The following PTPRR variants were observed in gnomAD, a reference collection of about 807,000 sequenced individuals.
The protein encoded by PTPRR is receptor-type tyrosine-protein phosphatase R.
A neutral mutation model predicts 77.2 loss-of-function variants in PTPRR; 38 were observed. The observed-to-expected ratio is 0.49, with a 90% CI of 0.38 to 0.65. PTPRR has a LOEUF of 0.65. PTPRR is among the 30% of genes least tolerant of loss of function. The pLI is 0.00. For missense variants in PTPRR, 744 were observed against 799.2 expected (o/e 0.93, Z 0.83); for synonymous variants, 299 against 283.1 (o/e 1.06, Z -0.57).
At chr12:70,733,464 T>TA (rs1889748039) in intron 6 of PTPRR, among the ~76,000 whole-genome samples, 1 of 72,604 alleles carries the variant, frequency 1.4e-5, no homozygotes, top group Non-Finnish European at 2.6e-5. Flanking sequence ...AAAAGAAAAA[T>TA]TATGGCAAAA....
At chr12:70,736,062 A>T (rs1377771386) in intron 6 of PTPRR, among the ~76,000 whole-genome samples, 1 of 152,124 alleles carries the variant, frequency 6.6e-6, no homozygotes, top group Non-Finnish European at 1.5e-5. Flanking sequence ...GAGTATTCTG[A>T]ATTATTGCCT....
At chr12:70,742,913 G>C (rs1890097918) in intron 6 of PTPRR, among the ~76,000 whole-genome samples, 1 of 152,208 alleles carries the variant, frequency 6.6e-6, no homozygotes, top group Non-Finnish European at 1.5e-5. Context: ...GAAAGGATTT[G>C]ATGAGGAAGG....
intron 6 of PTPRR, among the ~76,000 whole-genome samples, chr12:70,708,766 G>T (rs931725643): frequency 7.3e-5 from 11 of 151,362 alleles, no homozygotes; most frequent in Admixed American, 6.6e-4. Flanking sequence ...CTTGTGAAAT[G>T]AGAAGTCTTC....
chr12:70,673,282 T>A (rs780945694), intron 10 of PTPRR, among the ~76,000 whole-genome samples: 19 of 152,154 alleles, frequency 1.2e-4, no homozygotes, highest in Non-Finnish European at 1.9e-4. Context: ...AAACCCTGAT[T>A]CAAGAATGAG....
At chr12:70,694,007 T>C (rs991972963) in intron 8 of PTPRR, among the ~76,000 whole-genome samples, 2 of 152,076 alleles carry the variant, frequency 1.3e-5, no homozygotes, top group African/African-American at 4.8e-5. Flanking sequence ...TGTAGGAGAG[T>C]ATTGTTATCA....
intron 2 of PTPRR, among the ~76,000 whole-genome samples, chr12:70,765,138 G>A (rs1890785391): frequency 6.6e-6 from 1 of 152,196 alleles, no homozygotes; most frequent in Admixed American, 6.5e-5. Flanking sequence ...CATCTCACTA[G>A]GGAGTGCCAG....
At chr12:70,913,991 A>T (rs778314495) in intron 1 of PTPRR, among the ~76,000 whole-genome samples, 1 of 152,174 alleles carries the variant, frequency 6.6e-6, no homozygotes, top group Non-Finnish European at 1.5e-5. Flanking sequence ...GGTTAAGTAC[A>T]TTGACAGGGG....
chr12:70,866,316 T>A (rs1267992795), intron 2 of PTPRR, among the ~76,000 whole-genome samples: 2 of 151,034 alleles, frequency 1.3e-5, no homozygotes, highest in Admixed American at 1.3e-4. Flanking sequence ...GAGAGAAGAA[T>A]CAAATAGATG....
chr12:70,766,177 G>T (rs545825132), intron 2 of PTPRR, among the ~76,000 whole-genome samples: 1 of 152,218 alleles, frequency 6.6e-6, no homozygotes, highest in African/African-American at 2.4e-5. Flanking sequence ...TGACTTTGAC[G>T]AGTTGAGAGA....
At chr12:70,733,482 G>GGAAAAAAAAAAAAA (rs1889756906) in intron 6 of PTPRR, among the ~76,000 whole-genome samples, 6 of 92,268 alleles carry the variant, frequency 6.5e-5, no homozygotes, top group Admixed American at 1.1e-4. Flanking sequence ...AAAAAAAAAA[G>GGAAAAAAAAAAAAA]AAAAAAAAAG....
intron 1 of PTPRR, among the ~76,000 whole-genome samples, chr12:70,903,758 GCT>G (rs1355535981): frequency 1.3e-5 from 2 of 151,726 alleles, no homozygotes; most frequent in African/African-American, 4.8e-5. Flanking sequence ...AAAGAAATTT[GCT>G]CTGTGAAAGA....
chr12:70,882,772 A>G (rs1032200070), intron 2 of PTPRR, among the ~76,000 whole-genome samples: 3 of 152,206 alleles, frequency 2.0e-5, no homozygotes, highest in Non-Finnish European at 4.4e-5. Flanking sequence ...ATCCTCATCT[A>G]TTCCGCTACT....
intron 4 of PTPRR, among the ~76,000 whole-genome samples, chr12:70,757,627 A>C (rs1890593095): frequency 6.6e-6 from 1 of 152,170 alleles, no homozygotes. Context: ...AATTTAAAAA[A>C]TCAAGCATAT....
chr12:70,764,679 T>C lies in PTPRR; in HGVS notation c.457A>G (p.Ile153Val), dbSNP rs546195193. The change falls in exon 3 of 14, where the codon ATC (isoleucine) becomes GTC (valine). Residue 153 changes from isoleucine (I) to valine (V), a missense_variant. Around this residue, in one of 3 missense-constraint regions of PTPRR, gnomAD observed 570 missense variants for 573.2 expected, o/e 0.99. Coordinates refer to ENST00000283228, the MANE Select transcript of PTPRR (RefSeq NM_002849.4). Reference protein sequence around the residue: ...ALGLLPQQVHINRLIGKKNSI... With the variant: ...ALGLLPQQVHVNRLIGKKNSI... ...GGGTATCTTACAATGAGGCGATTGA[T>C]GTGCACTTGCTGGGGTAAGAGTCCT... 17 of 1,612,680 alleles carry C rather than the reference T, an allele frequency of 1.1e-5. No individual in the cohort carries two copies. The East Asian group carries it at 1.3e-4, about 13-fold the overall frequency.
intron 2 of PTPRR, among the ~76,000 whole-genome samples, chr12:70,865,134 G>A (rs375771200): frequency 6.0e-4 from 91 of 152,112 alleles, no homozygotes; most frequent in African/African-American, 2.2e-3. Context: ...ATTTTATAAC[G>A]GGTTTCTCCT....
intron 2 of PTPRR, among the ~76,000 whole-genome samples, chr12:70,820,506 T>C (rs986365274): frequency 2.0e-5 from 3 of 152,222 alleles, no homozygotes; most frequent in African/African-American, 7.2e-5. Context: ...GCTAATTTTT[T>C]GTATTTTTAG....
intron 2 of PTPRR, among the ~76,000 whole-genome samples, chr12:70,849,704 T>C (rs921150061): frequency 1.1e-4 from 17 of 152,262 alleles, no homozygotes; most frequent in Admixed American, 2.6e-4. Context: ...AAATTATTTG[T>C]GACCAAGTGA....
At chr12:70,752,210 C>A (rs1890422767) in intron 5 of PTPRR, among the ~76,000 whole-genome samples, 1 of 152,152 alleles carries the variant, frequency 6.6e-6, no homozygotes, top group African/African-American at 2.4e-5. Flanking sequence ...GCACCAGCAA[C>A]AAATAGACCC....
In PTPRR at chr12:70,850,864, C is replaced by T. The variant is rs950225609; in HGVS notation, c.357+41815G>A. Among the ~76,000 whole-genome samples, 4 of 152,176 alleles carry T rather than the reference C, an allele frequency of 2.6e-5. No homozygotes were observed. In the East Asian group the frequency reaches 5.8e-4, roughly 22 times the overall value. On this transcript the variant is annotated intron_variant, in intron 2 of 13. Transcript: ENST00000283228. ...TCCCTACATTGCTTTGCACACAATA[C>T]AACCTCAGTACATCTTTTGTTGAAT...
Sources: gnomAD v4.1 joint callset for allele counts (sites outside exome capture counted in the v4.1 genomes callset) on GRCh38, gnomAD v4.1.1 for gene constraint, gnomAD v4.1.1 regional missense constraint, MANE v1.5 for transcripts, NCBI Gene and HGNC (gene_info 2026-07-23, HGNC 2026-07-21) for gene names.